The following PITPNA variants were observed in gnomAD, a reference collection of about 807,000 sequenced individuals.
PITPNA encodes the protein phosphatidylinositol transfer protein alpha.
Under a neutral mutation model 50.3 loss-of-function variants are expected in PITPNA, and 13 were observed. The ratio of observed to expected loss-of-function variants is 0.26; its 90% CI spans 0.17 to 0.41. The LOEUF (loss-of-function observed/expected upper bound fraction) is 0.41, where lower values mean the gene tolerates loss of function less well. PITPNA is among the 10% of genes least tolerant of loss of function. PITPNA has a pLI of 1.00. For synonymous variants in PITPNA, 120 were observed against 119.6 expected (o/e 1.00, Z -0.02); for missense variants, 207 against 333.4 (o/e 0.62, Z 2.95).
rs74822093 is a variant in PITPNA, at chr17:1,531,376, C to A, written c.768+2723G>T. 1.5e-4 allele frequency among the ~76,000 whole-genome samples: 23 copies of A among 152,034 alleles called. 1 individual carries two copies. The East Asian group carries it at 4.3e-3, about 28-fold the overall frequency. On this transcript the variant is annotated intron_variant, in intron 10 of 11. Transcript: ENST00000313486. ...AGTACCCTGAGGTAGAGGTTCCCCC[C>A]ACTGTAACTACCGAGTACAAGCGGG...
intron 10 of PITPNA, among the ~76,000 whole-genome samples, chr17:1,523,656 C>T (rs978589006): frequency 9.3e-5 from 14 of 151,136 alleles, no homozygotes; most frequent in African/African-American, 2.2e-4. Flanking sequence ...TATAGGCACA[C>T]GCCACCATGC....
At chr17:1,530,144 A>C in intron 10 of PITPNA, among the ~76,000 whole-genome samples, 1 of 152,138 alleles carries the variant, frequency 6.6e-6, no homozygotes, top group East Asian at 1.9e-4. Context: ...TTAATAATAC[A>C]AATATTTTTA....
chr17:1,550,500 G>T (rs1272588562), intron 3 of PITPNA, among the ~76,000 whole-genome samples: 1 of 152,142 alleles, frequency 6.6e-6, no homozygotes, highest in East Asian at 1.9e-4. Context: ...GGAATTCAAG[G>T]AGACACCTGA....
chr17:1,543,038 G>T lies in PITPNA; in HGVS notation c.290-11C>A. On this transcript the variant is annotated splice_polypyrimidine_tract_variant and intron_variant, in intron 4 of 11. Transcript: ENST00000313486. ...TACTTACTGTAATAACTGCTCCGAG[G>T]CAAGGACATGGAAAGAAGAGAGAAA... 6.3e-7 allele frequency: 1 copy of T among 1,580,532 alleles called. No homozygotes were observed. Among genetic ancestry groups the T allele is most frequent in the Non-Finnish European group, 8.6e-7 (1 of 1,166,130 alleles).
At chr17:1,544,690 C>A (rs1209448882) in intron 4 of PITPNA, among the ~76,000 whole-genome samples, 1 of 152,252 alleles carries the variant, frequency 6.6e-6, no homozygotes, top group Non-Finnish European at 1.5e-5. Context: ...GGAATCCCAG[C>A]ACTTTGGGAG....
intron 2 of PITPNA, among the ~76,000 whole-genome samples, chr17:1,556,673 C>T (rs569117035): frequency 6.6e-6 from 1 of 152,292 alleles, no homozygotes; most frequent in Non-Finnish European, 1.5e-5. Context: ...TCCTAACGAT[C>T]GGGGTGGGAT....
intron 4 of PITPNA, among the ~76,000 whole-genome samples, chr17:1,544,032 G>T (rs1475364434): frequency 6.6e-6 from 1 of 152,226 alleles, no homozygotes; most frequent in Non-Finnish European, 1.5e-5. Context: ...CGCCATCCCT[G>T]GAGTGGGGGC....
At chr17:1,540,177 A>C (rs2075641025) in intron 6 of PITPNA, among the ~76,000 whole-genome samples, 1 of 151,756 alleles carries the variant, frequency 6.6e-6, no homozygotes, top group African/African-American at 2.4e-5. Context: ...GTTTAGCAAC[A>C]TGCTGACCCG....
rs915310490 is a variant in PITPNA at position 1,536,439 on chromosome 17, C to T, written c.457-921G>A. 6.6e-5 allele frequency among the ~76,000 whole-genome samples: 10 copies of T among 151,380 alleles called. No individual in the cohort carries two copies. The East Asian group carries it at 2.0e-3, about 30-fold the overall frequency. ...AGCAACTGGGACGACAGGTGCCCGCCACCATGCCCGGCTAATTTTTTTTGT... is the reference window on the plus strand; with the variant it reads ...AGCAACTGGGACGACAGGTGCCCGCTACCATGCCCGGCTAATTTTTTTTGT... On this transcript the variant is annotated intron_variant, in intron 7 of 11. Transcript: ENST00000313486.
At chr17:1,523,482 C>T (rs1316549020) in intron 10 of PITPNA, among the ~76,000 whole-genome samples, 1 of 150,068 alleles carries the variant, frequency 6.7e-6, no homozygotes, top group African/African-American at 2.5e-5. Flanking sequence ...GCTGGGACTA[C>T]AGGCATGTGC....
intron 4 of PITPNA, 76 bp from the exon 5 acceptor site, chr17:1,543,103 C>G (rs763192422): frequency 1.7e-6 from 2 of 1,184,408 alleles, no homozygotes; most frequent in Non-Finnish European, 2.4e-6. Context: ...CCCCCACCCC[C>G]CACAAGGAGG....
intron 5 of PITPNA, among the ~76,000 whole-genome samples, chr17:1,542,580 T>C (rs1218593157): frequency 1.3e-5 from 2 of 152,028 alleles, no homozygotes; most frequent in African/African-American, 2.4e-5. Flanking sequence ...GTGTGCTGAA[T>C]GGTGGGCGGG....
intron 9 of PITPNA, 47 bp from the exon 10 acceptor site, chr17:1,534,268 C>CT (rs756901696): frequency 4.3e-6 from 7 of 1,610,882 alleles, no homozygotes; most frequent in Non-Finnish European, 5.9e-6. Context: ...GCAAAGGCTG[C>CT]TGCCACAGCC....
At chr17:1,548,247 G>T in intron 4 of PITPNA, 49 bp downstream of exon 4, 2 of 1,288,732 alleles carry the variant, frequency 1.6e-6, no homozygotes, top group Non-Finnish European at 2.2e-6. Flanking sequence ...GGGACCCACA[G>T]CTCTGCTGCC....
chr17:1,548,900 T>A (rs1464819927), intron 3 of PITPNA, among the ~76,000 whole-genome samples: 1 of 151,752 alleles, frequency 6.6e-6, no homozygotes, highest in Non-Finnish European at 1.5e-5. Flanking sequence ...ACTCAATTCT[T>A]TTTTTTTGTT....
At chr17:1,553,576 C>T (rs1025541815) in intron 2 of PITPNA, among the ~76,000 whole-genome samples, 1 of 152,184 alleles carries the variant, frequency 6.6e-6, no homozygotes, top group African/African-American at 2.4e-5. Flanking sequence ...GGTGAGTCTA[C>T]TTAACCTGAC....
chr17:1,553,263 G>A (rs1277298078), intron 2 of PITPNA, 114 bp from the exon 3 acceptor site: 1 of 1,184,056 alleles, frequency 8.4e-7, no homozygotes, highest in South Asian at 1.4e-5. Context: ...TCATGCAGGA[G>A]CTGGTTCTGG....
chr17:1,542,516 C>G (rs1006471920), intron 5 of PITPNA, among the ~76,000 whole-genome samples: 1 of 152,204 alleles, frequency 6.6e-6, no homozygotes, highest in Non-Finnish European at 1.5e-5. Flanking sequence ...TCAGCAGGAA[C>G]CAGTTTCCCA....
At chr17:1,535,930 TG>T (rs950378030) in intron 7 of PITPNA, 4 of 196,666 alleles carry the variant, frequency 2.0e-5, no homozygotes, top group African/African-American at 9.5e-5. Context: ...ATTTGTTTTT[TG>T]TTTTTTTAAA....
Sources: gnomAD v4.1 joint callset for allele counts (sites outside exome capture counted in the v4.1 genomes callset) on GRCh38, gnomAD v4.1.1 for gene constraint, MANE v1.5 for transcripts, NCBI Gene and HGNC (gene_info 2026-07-23, HGNC 2026-07-21) for gene names.